Variants in RXFP1 observed in about 807,000 individuals in gnomAD.
RXFP1 encodes the protein relaxin receptor 1.
In RXFP1, 73 loss-of-function variants were observed where a neutral mutation model predicts 89.8. The ratio of observed to expected loss-of-function variants is 0.81; its 90% CI spans 0.67 to 0.99. The LOEUF (loss-of-function observed/expected upper bound fraction) is 0.99. Ranked by LOEUF, RXFP1 falls within the 50% of genes least tolerant of loss-of-function variation. The pLI is 0.00. For missense variants in RXFP1, 793 were observed against 895.5 expected (o/e 0.89, Z 1.46); for synonymous variants, 277 against 305.5 (o/e 0.91, Z 0.97).
chr4:158,575,451 T>A (rs1245336258), intron 2 of RXFP1, among the ~76,000 whole-genome samples: 4 of 152,216 alleles, frequency 2.6e-5, no homozygotes, highest in African/African-American at 9.7e-5. Flanking sequence ...TGCTTTGGAC[T>A]GAATGCTTGT....
At chr4:158,639,106 GA>G (rs1477205453) in intron 13 of RXFP1, among the ~76,000 whole-genome samples, 153 bp from the exon 14 acceptor site, 1 of 152,096 alleles carries the variant, frequency 6.6e-6, no homozygotes, top group Non-Finnish European at 1.5e-5. Context: ...GAAGGAGGAG[GA>G]TTTGGGGAAG....
At chr4:158,636,797 A>G (rs555143438) in intron 12 of RXFP1, among the ~76,000 whole-genome samples, 6 of 152,338 alleles carry the variant, frequency 3.9e-5, no homozygotes, top group East Asian at 1.9e-4. Flanking sequence ...TCAAGAATAC[A>G]ATACATTGTT....
At chr4:158,542,128 C>A (rs1387537893) in intron 1 of RXFP1, among the ~76,000 whole-genome samples, 1 of 39,668 alleles carries the variant, frequency 2.5e-5, no homozygotes, top group Non-Finnish European at 5.9e-5. Flanking sequence ...TTAGTAGAGA[C>A]AGGGTTTCAC....
At chr4:158,582,100 T>G (rs1009186569) in intron 2 of RXFP1, among the ~76,000 whole-genome samples, 2 of 152,134 alleles carry the variant, frequency 1.3e-5, no homozygotes, top group African/African-American at 4.8e-5. Context: ...TGATCCAAAC[T>G]AGGACCCACC....
intron 9 of RXFP1, 80 bp from the exon 10 acceptor site, chr4:158,626,739 AT>A: frequency 1.2e-6 from 1 of 834,304 alleles, no homozygotes. Context: ...AAGATATTTT[AT>A]TAGAAGGCAA....
chr4:158,575,239 A>C (rs1017536002), intron 2 of RXFP1, among the ~76,000 whole-genome samples: 1 of 152,216 alleles, frequency 6.6e-6, no homozygotes, highest in Non-Finnish European at 1.5e-5. Flanking sequence ...ATTCACCAAA[A>C]AGCACATTTA....
chr4:158,540,127 C>T (rs904702154), intron 1 of RXFP1, among the ~76,000 whole-genome samples: 6 of 152,148 alleles, frequency 3.9e-5, no homozygotes, highest in South Asian at 2.1e-4. Flanking sequence ...TTGCATCTCA[C>T]GCAAGAAAGA....
chr4:158,528,363 A>G (rs1185157772), intron 1 of RXFP1, among the ~76,000 whole-genome samples: 1 of 152,106 alleles, frequency 6.6e-6, no homozygotes, highest in Admixed American at 6.5e-5. Context: ...AAATTTAGCC[A>G]GTCGTGGTGG....
At chr4:158,571,692 T>A (rs1269495646) in intron 1 of RXFP1, among the ~76,000 whole-genome samples, 3 of 151,768 alleles carry the variant, frequency 2.0e-5, no homozygotes, top group Admixed American at 2.0e-4. Context: ...AAATAAGAAA[T>A]GGTAAAACAG....
intron 2 of RXFP1, among the ~76,000 whole-genome samples, chr4:158,577,091 T>A (rs950663764): frequency 2.0e-4 from 30 of 152,058 alleles, no homozygotes; most frequent in African/African-American, 7.0e-4. Flanking sequence ...CAGGCTGGAG[T>A]GCAGTGGCGT....
chr4:158,633,722 T>C (rs1295580356), intron 12 of RXFP1, among the ~76,000 whole-genome samples: 3 of 152,170 alleles, frequency 2.0e-5, no homozygotes, highest in African/African-American at 7.2e-5. Context: ...CTACCACCAT[T>C]CTACTTTGTG....
At chr4:158,620,707 G>T (rs1332150036) in intron 9 of RXFP1, among the ~76,000 whole-genome samples, 1 of 152,072 alleles carries the variant, frequency 6.6e-6, no homozygotes, top group Non-Finnish European at 1.5e-5. Flanking sequence ...ATAATAAAAA[G>T]ATCAATTAAG....
At chr4:158,537,562 G>C (rs1745568167) in intron 1 of RXFP1, among the ~76,000 whole-genome samples, 1 of 152,178 alleles carries the variant, frequency 6.6e-6, no homozygotes, top group South Asian at 2.1e-4. Context: ...ATGCATTAAA[G>C]AGAACTTCAC....
At chr4:158,632,952 A>T (rs544635291) in intron 11 of RXFP1, among the ~76,000 whole-genome samples, 24 of 152,284 alleles carry the variant, frequency 1.6e-4, no homozygotes, top group African/African-American at 5.8e-4. Context: ...CGATTGGATC[A>T]CAAGGTCAGG....
chr4:158,646,757 T>C (rs781255951), intron 15 of RXFP1, 34 bp from the exon 16 acceptor site: 1 of 1,522,634 alleles, frequency 6.6e-7, no homozygotes, highest in South Asian at 1.3e-5. Flanking sequence ...TACCTATTTA[T>C]TTCTCTAAAT....
chr4:158,607,012 C>G, intron 5 of RXFP1: 1 of 1,433,922 alleles, frequency 7.0e-7, no homozygotes, highest in Non-Finnish European at 9.5e-7. Flanking sequence ...TCTTATTGCT[C>G]CTAAAAGTTA....
intron 8 of RXFP1, among the ~76,000 whole-genome samples, chr4:158,614,190 C>A (rs182207798): frequency 6.6e-6 from 1 of 152,108 alleles, no homozygotes; most frequent in African/African-American, 2.4e-5. Context: ...GTAGATTTAG[C>A]GTAATTCTTG....
At chr4:158,567,665 A>G (rs776215659) in intron 1 of RXFP1, among the ~76,000 whole-genome samples, 12 of 152,264 alleles carry the variant, frequency 7.9e-5, no homozygotes, top group Middle Eastern at 3.4e-3. Context: ...AAATACACCA[A>G]TTGGTACTCT....
intron 1 of RXFP1, among the ~76,000 whole-genome samples, chr4:158,536,087 A>G (rs376980531): frequency 6.6e-6 from 1 of 152,214 alleles, no homozygotes; most frequent in South Asian, 2.1e-4. Flanking sequence ...TGTACTCTTT[A>G]ATCAATCAGT....
Sources: gnomAD v4.1 joint callset for allele counts (sites outside exome capture counted in the v4.1 genomes callset) on GRCh38, gnomAD v4.1.1 for gene constraint, MANE v1.5 for transcripts, NCBI Gene and HGNC (gene_info 2026-07-23, HGNC 2026-07-21) for gene names.